The following OLFM1 variants were observed in gnomAD, a reference collection of about 807,000 sequenced individuals.
OLFM1 encodes olfactomedin 1.
In OLFM1, 9 loss-of-function variants were observed where a neutral mutation model predicts 49.7. That is an observed-to-expected ratio of 0.18 (90% CI 0.11 to 0.32). The LOEUF is 0.32. Among genes scored for constraint, OLFM1 ranks in the 10% least tolerant of loss-of-function variants. The probability of loss-of-function intolerance (pLI) is 1.00; values close to 1 mark genes in which losing one functional copy is unlikely to be tolerated. For missense variants in OLFM1, 369 were observed against 661.8 expected (o/e 0.56, Z 4.85); for synonymous variants, 240 against 271.8 (o/e 0.88, Z 1.15).
chr9:135,096,198 T>C, intron 3 of OLFM1, among the ~76,000 whole-genome samples, 179 bp downstream of exon 3: 14 of 71,564 alleles, frequency 2.0e-4, no homozygotes, highest in African/African-American at 1.9e-4. Context: ...TTCCTCCTCC[T>C]CCCCCTCTTC....
intron 4 of OLFM1, among the ~76,000 whole-genome samples, chr9:135,102,831 AC>A (rs975057650): frequency 4.6e-5 from 7 of 152,064 alleles, no homozygotes; most frequent in African/African-American, 1.7e-4. Context: ...GCTTCAGGGC[AC>A]TCAGCCCTCC....
rs947088188 is a variant in OLFM1 at position 135,113,960 on chromosome 9, C to T, written c.784-5544C>T. ...AGGGGAGGACCCTCCTGCCTCGTCTCGTGGCTCCATGTGTTCCTGGCTGTG... is the reference window on the plus strand; with the variant it reads ...AGGGGAGGACCCTCCTGCCTCGTCTTGTGGCTCCATGTGTTCCTGGCTGTG... On this transcript the variant is annotated intron_variant, in intron 5 of 5. Coordinates refer to ENST00000371793, the MANE Select transcript of OLFM1 (RefSeq NM_001282611.2). This position sits in a 1 kb window ranked among gnomAD's most constrained non-coding sequence, Gnocchi z 4.0. Among the ~76,000 whole-genome samples the T allele has an allele frequency of 3.0e-4, 46 of 152,088 alleles. No homozygotes were observed. The highest frequency in any genetic ancestry group is 2.6e-4 in the Non-Finnish European group (18 of 68,000).
chr9:135,095,879 C>G lies in OLFM1; in HGVS notation c.316C>G (p.Gln106Glu). 6.2e-7 allele frequency: 1 copy of G among 1,613,018 alleles called. No homozygotes were observed. Residue 106 changes from glutamine (Q) to glutamate (E), a missense_variant, in exon 3 of 6, where the codon CAA becomes GAA. By Grantham distance (29) the Gln-to-Glu change is conservative. Around this residue, in one of 3 missense-constraint regions of OLFM1, gnomAD observed 294 missense variants for 567.5 expected, o/e 0.52. Coordinates refer to ENST00000371793, the MANE Select transcript of OLFM1 (RefSeq NM_001282611.2). ...QLLEKVQNMS[Q>E]SIEVLDRRTQ... ...CTTTTGACAGGTGCAGAACATGTCTCAATCCATAGAGGTCTTGGACAGGCG... is the reference window on the plus strand; with the variant it reads ...CTTTTGACAGGTGCAGAACATGTCTGAATCCATAGAGGTCTTGGACAGGCG...
exon 1 of OLFM1, chr9:135,075,744 C>A (rs115219791): frequency 3.7e-6 from 6 of 1,605,966 alleles, no homozygotes; most frequent in Admixed American, 3.4e-5. Context: ...GACATGCACC[C>A]GGCCCGGAAG....
At chr9:135,095,545 A>AGAGAGG (rs60157416) in intron 2 of OLFM1, among the ~76,000 whole-genome samples, 2 of 149,554 alleles carry the variant, frequency 1.3e-5, no homozygotes, top group African/African-American at 4.9e-5. Flanking sequence ...AGAGAGAGAG[A>AGAGAGG]TCAAGAGAAA....
At chr9:135,095,498 TC>T (rs34537627) in intron 2 of OLFM1, among the ~76,000 whole-genome samples, 1 of 107,456 alleles carries the variant, frequency 9.3e-6, no homozygotes, top group Non-Finnish European at 1.9e-5. Context: ...CTAGGAACAA[TC>T]CCCACCCACC....
intron 1 of OLFM1, among the ~76,000 whole-genome samples, chr9:135,077,703 G>C (rs149286759): frequency 6.6e-6 from 1 of 152,346 alleles, no homozygotes; most frequent in African/African-American, 2.4e-5. Flanking sequence ...ACCACAGGCT[G>C]TCTCAGGGGA....
At chr9:135,109,525 C>T (rs1210758654) in intron 5 of OLFM1, among the ~76,000 whole-genome samples, 1 of 152,102 alleles carries the variant, frequency 6.6e-6, no homozygotes, top group African/African-American at 2.4e-5. Context: ...CCACCCGGAG[C>T]CTGCTCAGAG....
intron 4 of OLFM1, among the ~76,000 whole-genome samples, chr9:135,104,568 C>G (rs936178719): frequency 2.6e-5 from 4 of 152,206 alleles, no homozygotes; most frequent in African/African-American, 9.6e-5. Flanking sequence ...CGCCACTCCT[C>G]TAGGCTTCTC....
chr9:135,081,296 G>A (rs1344391972), intron 1 of OLFM1, among the ~76,000 whole-genome samples: 1 of 152,188 alleles, frequency 6.6e-6, no homozygotes, highest in African/African-American at 2.4e-5. Context: ...ATGCAAAGTC[G>A]AAAAACAGCG....
chr9:135,076,729 G>A lies in OLFM1; in HGVS notation c.96+927G>A, dbSNP rs1588198504. On this transcript the variant is annotated intron_variant, in intron 1 of 5. Transcript: ENST00000252854. ...CCCTTTGGAGTTGCAAGTCCAGGAA[G>A]TGATGGGCAGCCAGTACCTTGGCCC... 4 of 1,450,886 alleles carry A rather than the reference G, an allele frequency of 2.8e-6. No homozygotes were observed. The East Asian group carries it at 9.9e-5, about 36-fold the overall frequency. The allele number at this position is 1,450,886 out of a possible 1,614,324, so 89.9% of individuals were successfully genotyped here. A position where few individuals can be genotyped will look rare whatever the true frequency, so the allele number is the denominator to read the frequency against.
At chr9:135,089,638 C>T (rs1830652641) in intron 1 of OLFM1, among the ~76,000 whole-genome samples, 1 of 152,220 alleles carries the variant, frequency 6.6e-6, no homozygotes, top group Non-Finnish European at 1.5e-5. Context: ...TGGGAGGTTG[C>T]TGTAGCTCGG....
intron 2 of OLFM1, among the ~76,000 whole-genome samples, chr9:135,092,444 A>G (rs775263578): frequency 1.3e-5 from 2 of 152,220 alleles, no homozygotes; most frequent in Non-Finnish European, 1.5e-5. Flanking sequence ...TAGCCACCTG[A>G]GTAAATCATT....
chr9:135,087,049 G>A (rs1564268095), upstream of OLFM1, among the ~76,000 whole-genome samples: 1 of 152,216 alleles, frequency 6.6e-6, no homozygotes, highest in Non-Finnish European at 1.5e-5. Flanking sequence ...CCGCCTTGCT[G>A]TGCAGGTGTC....
chr9:135,112,114 C>G (rs1429484797), intron 5 of OLFM1, among the ~76,000 whole-genome samples: 3 of 152,200 alleles, frequency 2.0e-5, no homozygotes, highest in Non-Finnish European at 4.4e-5. Context: ...ACCAGTGGCT[C>G]TAATACACCA....
chr9:135,083,739 G>A (rs545622901), upstream of OLFM1, among the ~76,000 whole-genome samples: 2 of 152,350 alleles, frequency 1.3e-5, no homozygotes, highest in East Asian at 1.9e-4. Context: ...TGGCTCACAT[G>A]TCCTGTCATT....
intron 1 of OLFM1, chr9:135,077,014 G>A: frequency 6.4e-7 from 1 of 1,550,578 alleles, no homozygotes; most frequent in Non-Finnish European, 8.7e-7. Flanking sequence ...CCTTCTCCTG[G>A]TGCTGCCCAG....
intron 2 of OLFM1, among the ~76,000 whole-genome samples, chr9:135,093,393 T>C (rs912141389): frequency 6.6e-6 from 1 of 152,200 alleles, no homozygotes; most frequent in Non-Finnish European, 1.5e-5. Flanking sequence ...GCAAGTTGCT[T>C]AACTTCTCTG....
intron 4 of OLFM1, chr9:135,106,149 G>A (rs1011360555): frequency 1.3e-5 from 2 of 152,526 alleles, no homozygotes; most frequent in South Asian, 2.1e-4. Flanking sequence ...AGAAGCAACC[G>A]GCTCACGCCT....
Sources: allele counts gnomAD v4.1 joint callset (sites outside exome capture counted in the v4.1 genomes callset), GRCh38; gene constraint gnomAD v4.1.1; regional missense constraint gnomAD v4.1.1; non-coding constraint Gnocchi (gnomAD v3.1); transcripts MANE v1.5; gene names NCBI Gene and HGNC (gene_info 2026-07-23, HGNC 2026-07-21).